PDZRN4: variants seen among roughly 807,000 people sequenced by gnomAD.
PDZRN4 encodes PDZ domain-containing RING finger protein 4.
PDZRN4 carries 70 observed loss-of-function variants against 99.0 expected under a neutral mutation model. That is an observed-to-expected ratio of 0.71 (90% confidence interval 0.58 to 0.86). The LOEUF (loss-of-function observed/expected upper bound fraction) is 0.86, where lower values mean the gene tolerates loss of function less well. Among genes scored for constraint, PDZRN4 ranks in the 40% least tolerant of loss-of-function variants. The probability of loss-of-function intolerance (pLI) is 0.00; values close to 1 mark genes in which losing one functional copy is unlikely to be tolerated. For synonymous variants in PDZRN4, 551 were observed against 501.6 expected, an observed-to-expected ratio of 1.10 and a Z score of -1.32; for missense variants, 1,474 against 1,331.2, an observed-to-expected ratio of 1.11 and a Z score of -1.67.
rs904868689 is a variant in PDZRN4 at position 41,263,327 on chromosome 12, C to A, written c.843+69139C>A. Reference sequence around the variant, plus strand: ...CAGCACTTTGGGTGGCCGAGGTGGGCGGATTGCTTGAGGTCAGGAGTTCAA... The same window carrying A: ...CAGCACTTTGGGTGGCCGAGGTGGGAGGATTGCTTGAGGTCAGGAGTTCAA... On this transcript the variant is annotated intron_variant, in intron 3 of 9. Coordinates refer to ENST00000402685, the MANE Select transcript of PDZRN4 (RefSeq NM_001164595.2). Among the ~76,000 whole-genome samples, 4 of 151,480 alleles carry A rather than the reference C, an allele frequency of 2.6e-5. No homozygotes were observed. In the South Asian group the frequency reaches 6.3e-4, roughly 24 times the overall value.
At chr12:41,326,367 G>T (rs1951709586) in intron 3 of PDZRN4, among the ~76,000 whole-genome samples, 1 of 152,112 alleles carries the variant, frequency 6.6e-6, no homozygotes, top group Non-Finnish European at 1.5e-5. Flanking sequence ...GCAGCTGGTG[G>T]ACTTTGATTG....
chr12:41,482,568 T>C (rs1181635487), intron 3 of PDZRN4, among the ~76,000 whole-genome samples: 1 of 152,146 alleles, frequency 6.6e-6, no homozygotes. Flanking sequence ...CTCATAAAAG[T>C]CCTGTAAGAT....
At chr12:41,526,491 C>T (rs1364732265) in intron 5 of PDZRN4, among the ~76,000 whole-genome samples, 2 of 152,104 alleles carry the variant, frequency 1.3e-5, no homozygotes, top group Non-Finnish European at 2.9e-5. Context: ...GAAGAGTTGC[C>T]TTGCTTATTT....
intron 5 of PDZRN4, among the ~76,000 whole-genome samples, chr12:41,524,715 C>T (rs1225035704): frequency 6.6e-6 from 1 of 152,064 alleles, no homozygotes; most frequent in Non-Finnish European, 1.5e-5. Context: ...AAGAAGGAAA[C>T]AGCATGATTT....
At chr12:41,500,619 C>T (rs11833641) in intron 3 of PDZRN4, among the ~76,000 whole-genome samples, 204 of 151,958 alleles carry the variant, frequency 1.3e-3, no homozygotes, top group African/African-American at 4.4e-3. Flanking sequence ...AGTCAGGTTT[C>T]CTTCATACAA....
chr12:41,404,853 A>G (rs979863069), intron 3 of PDZRN4, among the ~76,000 whole-genome samples: 1 of 125,468 alleles, frequency 8.0e-6, no homozygotes, highest in African/African-American at 2.9e-5. Flanking sequence ...CTTCAACAAG[A>G]CCAAAAAAAC....
intron 3 of PDZRN4, among the ~76,000 whole-genome samples, chr12:41,309,208 C>A (rs755673254): frequency 6.6e-6 from 1 of 152,038 alleles, no homozygotes; most frequent in Non-Finnish European, 1.5e-5. Flanking sequence ...TAAAAGTAAC[C>A]GTCTCAGTCA....
intron 3 of PDZRN4, among the ~76,000 whole-genome samples, chr12:41,291,310 A>AAAGTCAT (rs568532370): frequency 1.3e-5 from 2 of 152,326 alleles, no homozygotes; most frequent in Admixed American, 1.3e-4. Context: ...AAGGGCCAAG[A>AAAGTCAT]AAGTCATAAC....
chr12:41,539,008 C>G (rs1230244143), intron 5 of PDZRN4, among the ~76,000 whole-genome samples: 1 of 151,894 alleles, frequency 6.6e-6, no homozygotes, highest in Non-Finnish European at 1.5e-5. Flanking sequence ...CCGCTGTTAG[C>G]TATAAATCCA....
Position 41,196,475 on chromosome 12 carries a change from T to G in PDZRN4, c.843+2287T>G, listed in dbSNP as rs532005098. ...GATGAGGTGCATATTTCTAGAATGT[T>G]GTGTGTTAAATAGCATGAAATATTT... On this transcript the variant is annotated intron_variant, in intron 3 of 9. Transcript: ENST00000402685. 6.6e-4 allele frequency among the ~76,000 whole-genome samples: 100 copies of G among 152,226 alleles called. 1 individual carries two copies. The highest frequency in any genetic ancestry group is 2.3e-3 in the African/African-American group (94 of 41,586).
At chr12:41,523,716 G>A (rs539794960) in intron 5 of PDZRN4, among the ~76,000 whole-genome samples, 60 of 152,156 alleles carry the variant, frequency 3.9e-4, no homozygotes, top group Admixed American at 1.2e-3. Context: ...ATTCCAGTAT[G>A]GGACAAGTAC....
intron 7 of PDZRN4, 49 bp from the exon 8 acceptor site, chr12:41,563,499 C>T: frequency 7.8e-7 from 1 of 1,280,506 alleles, no homozygotes; most frequent in Non-Finnish European, 1.1e-6. Flanking sequence ...TTATTGTGTG[C>T]AGCATTGTGG....
chr12:41,567,890 G>A lies in PDZRN4; in HGVS notation c.1575G>A (p.Glu525=). The part of the protein sequence containing the change: ...HNEAMQPTAN[E]VEQPKKQEEE... ...AAGCAATGCAGCCCACTGCCAATGA[G>A]GTGGAGCAGGTAGGGCCAACAATTT... Residue 525 remains glutamate (E), a synonymous_variant, in exon 9 of 10, where the codon GAG becomes GAA. Coordinates refer to ENST00000402685, the MANE Select transcript of PDZRN4 (RefSeq NM_001164595.2). 6.3e-7 allele frequency: 1 copy of A among 1,598,666 alleles called. No individual in the cohort carries two copies. Among genetic ancestry groups the A allele is most frequent in the Non-Finnish European group, 8.6e-7 (1 of 1,167,964 alleles).
At chr12:41,555,885 C>CAA in intron 7 of PDZRN4, 125 bp downstream of exon 7, 1 of 705,952 alleles carries the variant, frequency 1.4e-6, no homozygotes, top group African/African-American at 1.9e-5. Context: ...ATCTACAAAA[C>CAA]CAAAAAAAAA....
chr12:41,448,630 C>G (rs1551595), intron 3 of PDZRN4, among the ~76,000 whole-genome samples: 77,415 of 151,924 alleles, frequency 0.51, 20,205 homozygotes, highest in African/African-American at 0.64. Context: ...CTGCATTCAC[C>G]AAGGAAACAT....
At chr12:41,329,982 T>A (rs1267933761) in intron 3 of PDZRN4, among the ~76,000 whole-genome samples, 1 of 152,116 alleles carries the variant, frequency 6.6e-6, no homozygotes, top group Non-Finnish European at 1.5e-5. Context: ...GGCTGGATTT[T>A]GATTAGTCTG....
chr12:41,333,672 G>A (rs1951753999), intron 3 of PDZRN4, among the ~76,000 whole-genome samples: 1 of 152,048 alleles, frequency 6.6e-6, no homozygotes, highest in Non-Finnish European at 1.5e-5. Context: ...ACACATTCTG[G>A]AATATCTTGT....
At chr12:41,386,674 C>T (rs71451526) in intron 3 of PDZRN4, among the ~76,000 whole-genome samples, 3 of 152,068 alleles carry the variant, frequency 2.0e-5, no homozygotes, top group Non-Finnish European at 4.4e-5. Context: ...AAGGGCAATC[C>T]TAAGCAAAAA....
chr12:41,191,395 T>C (rs1310015429), intron 1 of PDZRN4, 63 bp from the exon 2 acceptor site: 3 of 814,488 alleles, frequency 3.7e-6, no homozygotes, highest in Non-Finnish European at 6.2e-6. Flanking sequence ...AAAAACTTAT[T>C]GTAGGATTTA....
Sources: gnomAD v4.1 joint callset for allele counts (sites outside exome capture counted in the v4.1 genomes callset) on GRCh38, gnomAD v4.1.1 for gene constraint, MANE v1.5 for transcripts, NCBI Gene and HGNC (gene_info 2026-07-23, HGNC 2026-07-21) for gene names.